Variants in TMEM123 observed in about 807,000 individuals in gnomAD.
TMEM123 encodes porimin.
A neutral mutation model predicts 19.7 loss-of-function variants in TMEM123; 16 were observed. That is an observed-to-expected ratio of 0.81 (90% CI 0.55 to 1.23). The LOEUF (loss-of-function observed/expected upper bound fraction) is 1.23. Ranked by LOEUF, TMEM123 falls within the 50% of genes most tolerant of loss-of-function variation. The pLI is 0.00. For synonymous variants in TMEM123, 118 were observed against 99.4 expected (o/e 1.19, Z -1.12); for missense variants, 313 against 257.8 (o/e 1.21, Z -1.47).
intron 2 of TMEM123, among the ~76,000 whole-genome samples, chr11:102,430,363 C>T (rs1857684457): frequency 6.6e-6 from 1 of 152,180 alleles, no homozygotes; most frequent in Non-Finnish European, 1.5e-5. Flanking sequence ...TCAGCCTTCC[C>T]CCTGAAGGAG....
chr11:102,407,701 C>T (rs566445347), intron 2 of TMEM123, among the ~76,000 whole-genome samples: 1 of 152,228 alleles, frequency 6.6e-6, no homozygotes, highest in East Asian at 1.9e-4. Context: ...TCTCTACAAG[C>T]CAGGGAATGC....
intron 2 of TMEM123, among the ~76,000 whole-genome samples, chr11:102,419,613 G>C (rs953217959): frequency 1.3e-5 from 2 of 152,174 alleles, no homozygotes; most frequent in African/African-American, 4.8e-5. Context: ...TTCCACACTA[G>C]CATTATACCC....
At chr11:102,401,725 C>T (rs1442697087) in intron 3 of TMEM123, 33 bp from the exon 4 acceptor site, 13 of 1,545,396 alleles carry the variant, frequency 8.4e-6, no homozygotes, top group East Asian at 2.3e-5. Context: ...AGGGCTTTAG[C>T]GTTATTTTTT....
Position 102,452,713 on chromosome 11 carries a change from C to T in TMEM123, c.-90G>A, listed in dbSNP as rs1464510515. The T allele has an allele frequency of 9.7e-7, 1 of 1,029,358 alleles. No individual in the cohort carries two copies. The allele number at this position is 1,029,358 out of a possible 1,614,324, so 63.8% of individuals were successfully genotyped here. A position where few individuals can be genotyped will look rare whatever the true frequency, so the allele number is the denominator to read the frequency against. ...CTCCTCTGCGCAGCCGGCGCCGGCTCCGCTTCCCCTTCGGCCGCGCACGTT... is the reference window on the plus strand; with the variant it reads ...CTCCTCTGCGCAGCCGGCGCCGGCTTCGCTTCCCCTTCGGCCGCGCACGTT... On this transcript the variant is annotated 5_prime_UTR_variant, in exon 1 of 5. Coordinates refer to ENST00000398136, the MANE Select transcript of TMEM123 (RefSeq NM_052932.3).
At chr11:102,404,743 G>A (rs1429861737) in intron 2 of TMEM123, among the ~76,000 whole-genome samples, 4 of 152,046 alleles carry the variant, frequency 2.6e-5, no homozygotes, top group Admixed American at 6.6e-5. Flanking sequence ...GGGATTACAG[G>A]CATGCACCAC....
chr11:102,407,165 T>G lies in TMEM123; in HGVS notation c.158-4959A>C, dbSNP rs560017190. 2.6e-5 allele frequency among the ~76,000 whole-genome samples: 4 copies of G among 152,238 alleles called. No individual in the cohort carries two copies. The South Asian group carries it at 8.3e-4, about 32-fold the overall frequency. On this transcript the variant is annotated intron_variant, in intron 2 of 4. Transcript: ENST00000398136. The stretch of plus-strand genomic sequence containing the variant: ...CCATAAGGGTGGCAAACAGCAGAAG[T>G]GAGGAGAAGAGGTGGAACAAGGAAG...
chr11:102,431,122 A>G (rs1423597985), intron 2 of TMEM123, among the ~76,000 whole-genome samples: 1 of 152,214 alleles, frequency 6.6e-6, no homozygotes. Flanking sequence ...AACTGTGCTT[A>G]TGTCATTGGA....
chr11:102,408,478 T>C (rs1393978504), intron 2 of TMEM123, among the ~76,000 whole-genome samples: 1 of 152,218 alleles, frequency 6.6e-6, no homozygotes, highest in African/African-American at 2.4e-5. Flanking sequence ...GCAATTTACT[T>C]GCTTGGGTAC....
At chr11:102,413,752 C>G (rs1278338586) in intron 2 of TMEM123, among the ~76,000 whole-genome samples, 2 of 152,172 alleles carry the variant, frequency 1.3e-5, no homozygotes, top group Admixed American at 1.3e-4. Context: ...CTTCAAAGCC[C>G]ACACAGCTGA....
At chr11:102,417,941 T>C (rs1952054667) in intron 2 of TMEM123, among the ~76,000 whole-genome samples, 1 of 151,858 alleles carries the variant, frequency 6.6e-6, no homozygotes, top group African/African-American at 2.4e-5. Context: ...TGGCTAGCCA[T>C]AAGCAGGAGA....
chr11:102,450,472 T>C (rs11605133), intron 1 of TMEM123, among the ~76,000 whole-genome samples: 7,427 of 152,326 alleles, frequency 0.049, 226 homozygotes, highest in Non-Finnish European at 0.073. Flanking sequence ...AACTTGCTCA[T>C]AGTCTCCCTC....
intron 2 of TMEM123, among the ~76,000 whole-genome samples, chr11:102,426,519 A>G (rs555661406): frequency 6.6e-6 from 1 of 151,834 alleles, no homozygotes; most frequent in South Asian, 2.1e-4. Flanking sequence ...TGGGTCCTCA[A>G]GGAGAACTGC....
intron 2 of TMEM123, among the ~76,000 whole-genome samples, chr11:102,427,067 G>GTTTTTTTTTTTTTTGTTTT (rs1352477742): frequency 7.2e-6 from 1 of 138,730 alleles, no homozygotes. Context: ...TGTTTTGCGG[G>GTTTTTTTTTTTTTTGTTTT]TTTTTTTTTT....
At chr11:102,400,637 G>T (rs992690920) in intron 4 of TMEM123, among the ~76,000 whole-genome samples, 1 of 152,222 alleles carries the variant, frequency 6.6e-6, no homozygotes, top group Non-Finnish European at 1.5e-5. Flanking sequence ...ATGATATTTT[G>T]AAGTGGGGCC....
chr11:102,404,543 CA>C (rs1289932312), intron 2 of TMEM123, among the ~76,000 whole-genome samples: 1 of 152,110 alleles, frequency 6.6e-6, no homozygotes, highest in African/African-American at 2.4e-5. Flanking sequence ...CTCAGCCTCT[CA>C]AAGTGCTAGT....
chr11:102,429,494 CCT>C (rs771172380), intron 2 of TMEM123, among the ~76,000 whole-genome samples: 5 of 152,152 alleles, frequency 3.3e-5, no homozygotes, highest in African/African-American at 7.2e-5. Context: ...ATGAGACTTT[CCT>C]CTTTGAGAAG....
chr11:102,445,185 A>T (rs1013829623), intron 2 of TMEM123, among the ~76,000 whole-genome samples: 5 of 152,228 alleles, frequency 3.3e-5, no homozygotes, highest in African/African-American at 7.2e-5. Context: ...AATTACCATC[A>T]ATTTTCAGAC....
At chr11:102,405,285 C>T (rs1299915556) in intron 2 of TMEM123, among the ~76,000 whole-genome samples, 1 of 152,014 alleles carries the variant, frequency 6.6e-6, no homozygotes, top group East Asian at 1.9e-4. Context: ...ATCTCCTGAC[C>T]TTGTGATCTG....
chr11:102,428,816 C>T (rs1952150731), intron 2 of TMEM123, among the ~76,000 whole-genome samples: 1 of 152,126 alleles, frequency 6.6e-6, no homozygotes, highest in Admixed American at 6.5e-5. Context: ...CTGACAAGAG[C>T]AGATGTTTCT....
Sources: gnomAD v4.1 joint callset for allele counts (sites outside exome capture counted in the v4.1 genomes callset) on GRCh38, gnomAD v4.1.1 for gene constraint, MANE v1.5 for transcripts, NCBI Gene and HGNC (gene_info 2026-07-23, HGNC 2026-07-21) for gene names.